Variants in STIM1 observed in about 807,000 individuals in gnomAD.
STIM1 encodes stromal interaction molecule 1.
In STIM1, 25 loss-of-function variants were observed where a neutral mutation model predicts 74.7. That is an observed-to-expected ratio of 0.33 (90% confidence interval 0.24 to 0.47). The LOEUF (loss-of-function observed/expected upper bound fraction) is 0.47. Among genes scored for constraint, STIM1 ranks in the 20% least tolerant of loss-of-function variants. The pLI is 1.00. For synonymous variants in STIM1, 328 were observed against 348.8 expected (o/e 0.94, Z 0.66); for missense variants, 728 against 920.8 (o/e 0.79, Z 2.71).
rs956823503 is a variant in STIM1, at chr11:4,093,171, C to A, written c.*1373C>A. 6.6e-6 allele frequency: 1 copy of A among 152,626 alleles called. No homozygotes were observed. Among genetic ancestry groups the A allele is most frequent in the African/African-American group, 2.4e-5 (1 of 41,422 alleles). The allele number at this position is 152,626 out of a possible 1,614,324, so 9.5% of individuals were successfully genotyped here. A position where few individuals can be genotyped will look rare whatever the true frequency, so the allele number is the denominator to read the frequency against. On this transcript the variant is annotated 3_prime_UTR_variant, in exon 13 of 13. Coordinates refer to ENST00000526596, the MANE Select transcript of STIM1 (RefSeq NM_001382567.1). ...GTTTTCTGTGTTATTTCATAAAATT[C>A]TTTGAAGTCCAATAAAGCATGTAGG...
At chr11:3,974,271 T>C in intron 2 of STIM1, 1 of 338,322 alleles carries the variant, frequency 3.0e-6, no homozygotes, top group Non-Finnish European at 5.4e-6. Context: ...AATGATGTTT[T>C]CAGCGGCATC....
chr11:4,078,759 AG>A, intron 7 of STIM1, among the ~76,000 whole-genome samples: 1 of 151,340 alleles, frequency 6.6e-6, no homozygotes, highest in South Asian at 2.1e-4. Flanking sequence ...TTAGTAGAGA[AG>A]GGGTTTCACC....
chr11:3,933,517 C>T (rs907642906), intron 1 of STIM1, among the ~76,000 whole-genome samples: 1 of 152,072 alleles, frequency 6.6e-6, no homozygotes, highest in African/African-American at 2.4e-5. Context: ...CAGCTGTTTC[C>T]CAATGTAGTT....
chr11:3,980,612 A>T (rs1016507956), intron 2 of STIM1, among the ~76,000 whole-genome samples: 3 of 10,942 alleles, frequency 2.7e-4, no homozygotes, highest in Middle Eastern at 0.071. Flanking sequence ...CATCTCTTTA[A>T]AAAAAAAAAA....
At chr11:3,980,789 C>T (rs1318508165) in intron 2 of STIM1, among the ~76,000 whole-genome samples, 4 of 152,072 alleles carry the variant, frequency 2.6e-5, no homozygotes, top group Non-Finnish European at 5.9e-5. Flanking sequence ...CCAGATAGTT[C>T]TTTGTTGTGG....
intron 1 of STIM1, among the ~76,000 whole-genome samples, chr11:3,939,172 A>G (rs1383066252): frequency 2.0e-5 from 3 of 152,168 alleles, no homozygotes; most frequent in Non-Finnish European, 4.4e-5. Flanking sequence ...ATGCTGCTTG[A>G]TCTCTGGGGC....
chr11:3,988,971 G>T (rs1385410868), intron 2 of STIM1, among the ~76,000 whole-genome samples: 1 of 152,168 alleles, frequency 6.6e-6, no homozygotes, highest in Non-Finnish European at 1.5e-5. Context: ...AACAACCAGC[G>T]AATGATTTCA....
chr11:3,900,970 C>T lies in STIM1; in HGVS notation c.139+44561C>T, dbSNP rs2092331986. 2.0e-5 allele frequency among the ~76,000 whole-genome samples: 3 copies of T among 152,206 alleles called. No individual in the cohort carries two copies. In the South Asian group the frequency reaches 6.2e-4, roughly 31 times the overall value. On this transcript the variant is annotated intron_variant, in intron 1 of 12. Transcript: ENST00000526596. ...CTTTGGGAGGCTGAGGCAGTCGGAT[C>T]ACTTGAGGTCAGGAGTTCAAGACTA...
Position 4,074,720 on chromosome 11 carries a change from G to A in STIM1, c.969+41G>A, listed in dbSNP as rs1233309539. 1.0e-5 allele frequency: 16 copies of A among 1,548,470 alleles called. No individual in the cohort carries two copies. In the East Asian group the frequency reaches 3.7e-4, roughly 35 times the overall value. ...AATTCCTGGACACCTTGACGGGTGG[G>A]TAAAGGGCAGGGGCCCAGGGTCTGG... On this transcript the variant is annotated intron_variant, in intron 7 of 12. Coordinates refer to ENST00000526596, the MANE Select transcript of STIM1 (RefSeq NM_001382567.1).
At chr11:3,876,021 G>A (rs547068450) in intron 1 of STIM1, among the ~76,000 whole-genome samples, 1 of 152,254 alleles carries the variant, frequency 6.6e-6, no homozygotes, top group African/African-American at 2.4e-5. Context: ...CTGGGACTAG[G>A]AAGAACTGTG....
intron 1 of STIM1, among the ~76,000 whole-genome samples, chr11:3,948,783 T>C (rs570426452): frequency 2.0e-5 from 3 of 152,332 alleles, no homozygotes; most frequent in South Asian, 4.1e-4. Flanking sequence ...TCTCCAGTTC[T>C]ACCATTAATT....
chr11:3,917,369 G>A (rs994629999), intron 1 of STIM1, among the ~76,000 whole-genome samples: 7 of 151,700 alleles, frequency 4.6e-5, no homozygotes, highest in Non-Finnish European at 7.4e-5. Context: ...CTTAAGACTC[G>A]TCACTTCTCT....
chr11:4,070,211 C>G lies in STIM1; in HGVS notation c.791+8C>G. On this transcript the variant is annotated splice_region_variant and intron_variant, in intron 6 of 12. Coordinates refer to ENST00000526596, the MANE Select transcript of STIM1 (RefSeq NM_001382567.1). ...GCATGACCTTCAGGAAAGGTAAGGC[C>G]TGCCCCTTCAGGAAAGGTGAGGCCC... 1 of 1,613,674 alleles carries G rather than the reference C, an allele frequency of 6.2e-7. No individual in the cohort carries two copies. Among genetic ancestry groups the G allele is most frequent in the Non-Finnish European group, 8.5e-7 (1 of 1,180,000 alleles).
chr11:3,926,225 A>C (rs2092786686), intron 1 of STIM1, among the ~76,000 whole-genome samples: 1 of 152,210 alleles, frequency 6.6e-6, no homozygotes, highest in South Asian at 2.1e-4. Context: ...CCCTGAAAGC[A>C]AATGAGTGAC....
chr11:4,032,255 A>C (rs951318628), intron 3 of STIM1, among the ~76,000 whole-genome samples: 7 of 152,166 alleles, frequency 4.6e-5, no homozygotes, highest in Non-Finnish European at 1.0e-4. Context: ...GGGTGGGTGA[A>C]AACTGCTTGA....
At chr11:4,069,922 T>G (rs1237939152) in intron 5 of STIM1, 104 bp from the exon 6 acceptor site, 14 of 1,227,994 alleles carry the variant, frequency 1.1e-5, no homozygotes, top group African/African-American at 1.5e-5. Context: ...AGTGGGAGAG[T>G]GTGTCTGTTA....
intron 2 of STIM1, among the ~76,000 whole-genome samples, chr11:3,997,909 ATGTCT>A (rs918882682): frequency 4.6e-5 from 7 of 152,328 alleles, no homozygotes; most frequent in African/African-American, 1.4e-4. Context: ...GTAGACTACA[ATGTCT>A]TGTCTTAACT....
chr11:3,904,011 A>G (rs1259030510), intron 1 of STIM1, among the ~76,000 whole-genome samples: 1 of 152,012 alleles, frequency 6.6e-6, no homozygotes, highest in Non-Finnish European at 1.5e-5. Context: ...AGCCTGACCA[A>G]TATGGTGAAA....
chr11:3,884,761 G>A (rs1367785302), intron 1 of STIM1, among the ~76,000 whole-genome samples: 1 of 149,760 alleles, frequency 6.7e-6, no homozygotes, highest in Non-Finnish European at 1.5e-5. Flanking sequence ...CACCATGGGT[G>A]ACAGAGCCAG....
Sources: gnomAD v4.1 joint callset for allele counts (sites outside exome capture counted in the v4.1 genomes callset) on GRCh38, gnomAD v4.1.1 for gene constraint, MANE v1.5 for transcripts, NCBI Gene and HGNC (gene_info 2026-07-23, HGNC 2026-07-21) for gene names.